BMPR1A: variants seen among roughly 807,000 people sequenced by gnomAD.
BMPR1A encodes the protein bone morphogenetic protein receptor type-1A.
Under a neutral mutation model 66.0 loss-of-function variants are expected in BMPR1A, and 7 were observed. The observed-to-expected ratio is 0.11, with a 90% CI of 0.06 to 0.20. The LOEUF is 0.20. Among genes scored for constraint, BMPR1A ranks in the 10% least tolerant of loss-of-function variants. BMPR1A has a pLI of 1.00. For synonymous variants in BMPR1A, 200 were observed against 229.7 expected (o/e 0.87, Z 1.17); for missense variants, 408 against 669.1 (o/e 0.61, Z 4.31).
chr10:86,833,884 G>A (rs910507697), intron 1 of BMPR1A, among the ~76,000 whole-genome samples: 7 of 152,134 alleles, frequency 4.6e-5, no homozygotes, highest in South Asian at 2.1e-4. Context: ...AAAGATACAC[G>A]TTAAGATGAT....
At chr10:86,871,167 G>C (rs1353443586) in intron 2 of BMPR1A, among the ~76,000 whole-genome samples, 1 of 152,118 alleles carries the variant, frequency 6.6e-6, no homozygotes, top group Admixed American at 6.5e-5. Context: ...CAACTTAAAG[G>C]TCACTTCTCA....
rs532929743 is a variant in BMPR1A at position 86,891,105 on chromosome 10, C to T, written c.230+881C>T. Among the ~76,000 whole-genome samples, 6 of 152,270 alleles carry T rather than the reference C, an allele frequency of 3.9e-5. 1 individual carries two copies. Among genetic ancestry groups the T allele is most frequent in the East Asian group, 3.9e-4 (2 of 5,192 alleles). On this transcript the variant is annotated intron_variant, in intron 4 of 12. Coordinates refer to ENST00000372037, the MANE Select transcript of BMPR1A (RefSeq NM_004329.3). Reference sequence around the variant, plus strand: ...CAGATAGAAAGCATGAAACTTTACACGTAAACTCTTGAACCTGCATGACGG... The same window carrying T: ...CAGATAGAAAGCATGAAACTTTACATGTAAACTCTTGAACCTGCATGACGG...
At chr10:86,828,152 A>G (rs543026684) in intron 1 of BMPR1A, among the ~76,000 whole-genome samples, 1 of 152,300 alleles carries the variant, frequency 6.6e-6, no homozygotes, top group South Asian at 2.1e-4. Context: ...ACTCTGTCTC[A>G]AGGAAAAAAT....
intron 1 of BMPR1A, among the ~76,000 whole-genome samples, chr10:86,804,160 A>G (rs1841851501): frequency 6.6e-6 from 1 of 152,212 alleles, no homozygotes; most frequent in African/African-American, 2.4e-5. Flanking sequence ...TTTAAATAAT[A>G]ATAACTTTGC....
intron 1 of BMPR1A, among the ~76,000 whole-genome samples, chr10:86,795,023 G>T (rs12782537): frequency 6.6e-6 from 1 of 151,700 alleles, no homozygotes; most frequent in Non-Finnish European, 1.5e-5. Flanking sequence ...AGCTAATTTT[G>T]TATTTTTAGT....
chr10:86,899,106 A>G (rs948757444), intron 5 of BMPR1A, among the ~76,000 whole-genome samples: 2 of 152,138 alleles, frequency 1.3e-5, no homozygotes, highest in African/African-American at 2.4e-5. Context: ...TGCTATTCAC[A>G]TGTTGGTCAG....
intron 1 of BMPR1A, among the ~76,000 whole-genome samples, chr10:86,803,179 A>T (rs1007976544): frequency 6.6e-6 from 1 of 152,158 alleles, no homozygotes; most frequent in African/African-American, 2.4e-5. Flanking sequence ...CTAAAGCACA[A>T]CATAATTGTA....
chr10:86,898,280 ACAT>A (rs1843257490), intron 5 of BMPR1A, among the ~76,000 whole-genome samples: 2 of 152,004 alleles, frequency 1.3e-5, no homozygotes, highest in East Asian at 3.9e-4. Flanking sequence ...AAACATATAT[ACAT>A]GTTTATATGA....
rs1842785864 is a variant in BMPR1A, at chr10:86,866,399, C to CTTTTTTTTTTTTCTTTTTTTTTTTTTTT, written c.-152-9456_-152-9455insCTTTTTTTTTTTTTTTTTTTTTTTTTTT. ...TGTGTTAAGTTGGGCAAGTTTCTTT[C>CTTTTTTTTTTTTCTTTTTTTTTTTTTTT]TTTTTTTTTTTTTTTTTTTTTTTTT... On this transcript the variant is annotated intron_variant, in intron 2 of 12. Coordinates refer to ENST00000372037, the MANE Select transcript of BMPR1A (RefSeq NM_004329.3). 3.3e-4 allele frequency among the ~76,000 whole-genome samples: 23 copies of CTTTTTTTTTTTTCTTTTTTTTTTTTTTT among 69,464 alleles called. 1 individual carries two copies. Among genetic ancestry groups the CTTTTTTTTTTTTCTTTTTTTTTTTTTTT allele is most frequent in the African/African-American group, 1.2e-3 (23 of 18,782 alleles). The allele number at this position is 69,464 out of a possible 152,430, so 45.6% of individuals were successfully genotyped here.
intron 1 of BMPR1A, among the ~76,000 whole-genome samples, chr10:86,837,241 GTGTGTC>G (rs1421524836): frequency 7.4e-5 from 7 of 94,950 alleles, no homozygotes; most frequent in East Asian, 4.1e-4. Flanking sequence ...CTGTGTGTGT[GTGTGTC>G]TGTGTGTGTG....
At chr10:86,893,525 C>T (rs924817391) in intron 5 of BMPR1A, among the ~76,000 whole-genome samples, 7 of 152,156 alleles carry the variant, frequency 4.6e-5, no homozygotes, top group South Asian at 2.1e-4. Context: ...CGCGGTGGCT[C>T]ACGCCTGTAA....
chr10:86,838,331 C>T (rs1057298777), intron 1 of BMPR1A, among the ~76,000 whole-genome samples: 13 of 152,280 alleles, frequency 8.5e-5, no homozygotes, highest in Admixed American at 5.2e-4. Context: ...TACTAATATA[C>T]GGTAGTTTAG....
At chr10:86,802,780 C>A (rs763416484) in intron 1 of BMPR1A, among the ~76,000 whole-genome samples, 2 of 151,484 alleles carry the variant, frequency 1.3e-5, no homozygotes, top group Non-Finnish European at 2.9e-5. Flanking sequence ...TTCATTCCAG[C>A]CAAAAATAAT....
At chr10:86,907,227 T>C (rs1254424781) in intron 7 of BMPR1A, among the ~76,000 whole-genome samples, 4 of 152,262 alleles carry the variant, frequency 2.6e-5, no homozygotes, top group Non-Finnish European at 5.9e-5. Context: ...TTAATGGGTC[T>C]CATAAGTTTA....
Position 86,841,710 on chromosome 10 carries a change from G to C in BMPR1A, c.-153+2731G>C, listed in dbSNP as rs145442421. On this transcript the variant is annotated intron_variant, in intron 2 of 12. Coordinates refer to ENST00000372037, the MANE Select transcript of BMPR1A (RefSeq NM_004329.3). ...ATGACAGCCCCCTAGGTAGCTTTAG[G>C]ATGGGGGCTGGTCAGCAGAAAGACT... Among the ~76,000 whole-genome samples the C allele has an allele frequency of 3.1e-3, 478 of 152,292 alleles. 2 individuals are homozygous for C. Among genetic ancestry groups the C allele is most frequent in the Non-Finnish European group, 5.7e-3 (391 of 68,032 alleles).
chr10:86,824,253 G>A (rs575690418), intron 1 of BMPR1A, among the ~76,000 whole-genome samples: 1 of 152,240 alleles, frequency 6.6e-6, no homozygotes, highest in Admixed American at 6.5e-5. Context: ...TGGATTATGT[G>A]CATTGTGTTG....
At chr10:86,931,298 C>CACACACATATAT, downstream of BMPR1A, 31 of 90,912 alleles carry the variant, frequency 3.4e-4, no homozygotes, top group African/African-American at 9.2e-4. Flanking sequence ...CACACACACA[C>CACACACATATAT]ATATATATAT....
intron 1 of BMPR1A, among the ~76,000 whole-genome samples, chr10:86,813,784 C>T (rs555167365): frequency 6.6e-6 from 1 of 152,246 alleles, no homozygotes; most frequent in South Asian, 2.1e-4. Flanking sequence ...TTAGCGCTCA[C>T]CTCTATTCCT....
At chr10:86,873,979 T>C (rs1409229978) in intron 2 of BMPR1A, among the ~76,000 whole-genome samples, 2 of 152,170 alleles carry the variant, frequency 1.3e-5, no homozygotes, top group East Asian at 3.9e-4. Flanking sequence ...TGTGAATAAC[T>C]TTGGAAAGCT....
Sources: gnomAD v4.1 joint callset for allele counts (sites outside exome capture counted in the v4.1 genomes callset) on GRCh38, gnomAD v4.1.1 for gene constraint, MANE v1.5 for transcripts, NCBI Gene and HGNC (gene_info 2026-07-23, HGNC 2026-07-21) for gene names.